ANK3: variants seen among roughly 807,000 people sequenced by gnomAD.
The protein encoded by ANK3 is ankyrin 3.
A neutral mutation model predicts 370.9 loss-of-function variants in ANK3; 57 were observed. The observed-to-expected ratio is 0.15, with a 90% CI of 0.12 to 0.19. The LOEUF is 0.19. Among genes scored for constraint, ANK3 ranks in the 10% least tolerant of loss-of-function variants. The pLI is 1.00. For missense variants in ANK3, 4,439 were observed against 5,302.1 expected (o/e 0.84, Z 5.06); for synonymous variants, 1,929 against 1,946.3 (o/e 0.99, Z 0.23).
chr10:60,554,517 A>T (rs1419237704), intron 2 of ANK3, among the ~76,000 whole-genome samples: 1 of 152,158 alleles, frequency 6.6e-6, no homozygotes, highest in Non-Finnish European at 1.5e-5. Context: ...GAAGCCAAAA[A>T]TTGCAATGGT....
At chr10:60,554,773 A>T (rs1178575052) in intron 2 of ANK3, among the ~76,000 whole-genome samples, 2 of 152,182 alleles carry the variant, frequency 1.3e-5, no homozygotes, top group Non-Finnish European at 2.9e-5. Flanking sequence ...TCAATCATAC[A>T]TTACCATGTA....
At chr10:60,586,985 A>T (rs2077841381) in intron 2 of ANK3, among the ~76,000 whole-genome samples, 1 of 152,214 alleles carries the variant, frequency 6.6e-6, no homozygotes, top group Admixed American at 6.5e-5. Context: ...CTATACAGAA[A>T]TATCCAAGAC....
chr10:60,609,559 T>A (rs1056770127), intron 2 of ANK3, among the ~76,000 whole-genome samples: 1 of 151,674 alleles, frequency 6.6e-6, no homozygotes, highest in African/African-American at 2.4e-5. Flanking sequence ...CCTTGCCAAC[T>A]ATGGTAGATT....
At chr10:60,401,043 T>C (rs2063343208) in intron 2 of ANK3, among the ~76,000 whole-genome samples, 1 of 152,228 alleles carries the variant, frequency 6.6e-6, no homozygotes, top group African/African-American at 2.4e-5. Context: ...CTTCAACATA[T>C]ATTCATTCTA....
rs144319787 is a variant in ANK3, at chr10:60,415,124, C to T, written c.97-135485G>A. Reference sequence around the variant, plus strand: ...TTGTATTGTCAGCTGCCTACAATTCCGTGCCCCACCTGCAGCAAGGCCAGA... The same window carrying T: ...TTGTATTGTCAGCTGCCTACAATTCTGTGCCCCACCTGCAGCAAGGCCAGA... On this transcript the variant is annotated intron_variant, in intron 2 of 43. Transcript: ENST00000373827. 2.5e-3 allele frequency among the ~76,000 whole-genome samples: 375 copies of T among 152,210 alleles called. 2 individuals are homozygous for T. The highest frequency in any genetic ancestry group is 0.02 in the Middle Eastern group (6 of 294).
At chr10:60,587,088 G>A (rs2077842713) in intron 2 of ANK3, among the ~76,000 whole-genome samples, 1 of 152,288 alleles carries the variant, frequency 6.6e-6, no homozygotes, top group East Asian at 1.9e-4. Flanking sequence ...GGAAGGAGAA[G>A]GGAAAGGAAG....
chr10:60,073,592 A>G lies in ANK3; in HGVS notation c.7289T>C (p.Ile2430Thr). Residue 2430 changes from isoleucine to threonine, a missense_variant, in exon 37 of 44, where the codon ATA (isoleucine) becomes ACA (threonine). Transcript: ENST00000280772. Reference sequence around the variant, plus strand: ...CAATGTTTTATAAGAGTCATCAGATATGAGTTGAGCAGAACTAGGGCGGCT... The same window carrying G: ...CAATGTTTTATAAGAGTCATCAGATGTGAGTTGAGCAGAACTAGGGCGGCT... ...EDSRPSSAQL[I>T]SDDSYKTLKL... 1 of 1,614,068 alleles carries G rather than the reference A, an allele frequency of 6.2e-7. No homozygotes were observed. The highest frequency in any genetic ancestry group is 1.1e-5 in the South Asian group (1 of 91,068).
intron 1 of ANK3, among the ~76,000 whole-genome samples, chr10:60,333,925 C>G (rs548069403): frequency 1.3e-5 from 2 of 152,244 alleles, no homozygotes; most frequent in East Asian, 1.9e-4. Context: ...ACCTGGGATA[C>G]TATTTAGTTC....
chr10:60,272,946 T>C (rs2098023505), intron 4 of ANK3, among the ~76,000 whole-genome samples: 1 of 152,224 alleles, frequency 6.6e-6, no homozygotes, highest in African/African-American at 2.4e-5. Flanking sequence ...CTGGCTCTAG[T>C]GAGTGTCCAC....
chr10:60,363,553 C>T (rs776678947), intron 1 of ANK3, among the ~76,000 whole-genome samples: 7 of 152,204 alleles, frequency 4.6e-5, no homozygotes, highest in East Asian at 1.9e-4. Flanking sequence ...TCTCAACACA[C>T]GACCCTTTCT....
At chr10:60,653,966 A>G (rs2078827657) in intron 1 of ANK3, among the ~76,000 whole-genome samples, 1 of 152,206 alleles carries the variant, frequency 6.6e-6, no homozygotes, top group Admixed American at 6.5e-5. Context: ...GAGTCTTCCA[A>G]TTCATAAATA....
rs554701360 is a variant in ANK3, at chr10:60,695,153, T to G, written c.57+38110A>C. 5.3e-5 allele frequency among the ~76,000 whole-genome samples: 8 copies of G among 151,990 alleles called. No homozygotes were observed. In the South Asian group the frequency reaches 6.3e-4, roughly 12 times the overall value. On this transcript the variant is annotated intron_variant, in intron 1 of 43. Transcript: ENST00000373827. ...ACAAAGATCAAAAGAGACAAAGAAG[T>G]CCATTACATAATGGTAAAGGGACAT...
rs1179462271 is a variant in ANK3 at position 60,203,096 on chromosome 10, C to T, written c.1298G>A (p.Gly433Asp). The stretch of plus-strand genomic sequence containing the variant: ...GGCAGCAACATGGATTGGGGTAAGG[C>T]CCGACTAAGGGGAAAAGAAGAAAAT... ...GASIQAVTES[G>D]LTPIHVAAFM... The change falls in exon 12 of 44, where the codon GGC (glycine) becomes GAC (aspartate). Residue 433 changes from glycine (G) to aspartate (D), a missense_variant. By Grantham distance (94) the Gly-to-Asp change is moderately conservative. Transcript: ENST00000280772. The T allele has an allele frequency of 6.2e-6, 10 of 1,612,120 alleles. No homozygotes were observed. The highest frequency in any genetic ancestry group is 1.1e-5 in the South Asian group (1 of 90,770).
chr10:60,612,608 C>T (rs1204149716), intron 2 of ANK3, among the ~76,000 whole-genome samples: 3 of 152,210 alleles, frequency 2.0e-5, no homozygotes, highest in African/African-American at 7.2e-5. Flanking sequence ...TCTCCTGCCT[C>T]AGCCTCCCCA....
chr10:60,072,217 A>C lies in ANK3; in HGVS notation c.8664T>G (p.Ser2888Arg). 1 of 1,613,812 alleles carries C rather than the reference A, an allele frequency of 6.2e-7. No individual in the cohort carries two copies. Among genetic ancestry groups the C allele is most frequent in the Non-Finnish European group, 8.5e-7 (1 of 1,179,952 alleles). The change falls in exon 37 of 44, where the codon AGT becomes AGG. Residue 2888 changes from serine to arginine, a missense_variant. By Grantham distance (110) the Ser-to-Arg change is moderately radical. Around this residue, in one of 13 missense-constraint regions of ANK3, gnomAD observed 1,601 missense variants for 1,731.7 expected, o/e 0.92. Transcript: ENST00000280772. ...VRENHIGHPE[S>R]KSVDQKNEFM... Reference sequence around the variant, plus strand: ...ATTCATTCTTTTGATCAACACTTTTACTCTCAGGGTGACCAATGTGATTCT... The same window carrying C: ...ATTCATTCTTTTGATCAACACTTTTCCTCTCAGGGTGACCAATGTGATTCT...
intron 27 of ANK3, among the ~76,000 whole-genome samples, chr10:60,108,027 T>C (rs2092369810): frequency 6.6e-6 from 1 of 152,050 alleles, no homozygotes; most frequent in South Asian, 2.1e-4. Context: ...CTATGATTTT[T>C]TTTTCTTTCA....
intron 40 of ANK3, chr10:60,062,886 G>C (rs956274356): frequency 5.7e-6 from 2 of 352,050 alleles, no homozygotes; most frequent in Non-Finnish European, 1.0e-5. Flanking sequence ...TACCTTAGGC[G>C]TTCATACGTC....
At chr10:60,604,926 A>G (rs1038959054) in intron 2 of ANK3, among the ~76,000 whole-genome samples, 2 of 152,174 alleles carry the variant, frequency 1.3e-5, no homozygotes, top group Admixed American at 6.6e-5. Flanking sequence ...CTCCATAAGC[A>G]CCAACATTGT....
At chr10:60,373,350 A>G (rs2060351657) in intron 1 of ANK3, among the ~76,000 whole-genome samples, 1 of 152,232 alleles carries the variant, frequency 6.6e-6, no homozygotes, top group African/African-American at 2.4e-5. Context: ...TAATCAAAAT[A>G]AGAATGCAAA....
Sources: allele counts gnomAD v4.1 joint callset (sites outside exome capture counted in the v4.1 genomes callset), GRCh38; gene constraint gnomAD v4.1.1; regional missense constraint gnomAD v4.1.1; transcripts MANE v1.5; gene names NCBI Gene and HGNC (gene_info 2026-07-23, HGNC 2026-07-21).